Variants in SGMS1 observed in about 807,000 individuals in gnomAD.
The protein encoded by SGMS1 is phosphatidylcholine:ceramide cholinephosphotransferase 1.
A neutral mutation model predicts 46.2 loss-of-function variants in SGMS1; 13 were observed. The ratio of observed to expected loss-of-function variants is 0.28; its 90% confidence interval spans 0.18 to 0.45. SGMS1 has a LOEUF of 0.45. Ranked by LOEUF, SGMS1 falls within the 20% of genes least tolerant of loss-of-function variation. The probability of loss-of-function intolerance (pLI) is 1.00; values close to 1 mark genes in which losing one functional copy is unlikely to be tolerated. For synonymous variants in SGMS1, 203 were observed against 187.8 expected, an observed-to-expected ratio of 1.08 and a Z score of -0.66; for missense variants, 324 against 519.9, an observed-to-expected ratio of 0.62 and a Z score of 3.66.
Position 50,307,982 on chromosome 10 carries a change from T to C in SGMS1, c.1062A>G (p.Gln354=), listed in dbSNP as rs1847200423. The part of the protein sequence containing the change: ...FWWYHTMANQ[Q]VLKEASQMNL... ...TAAAATCAAAAGCGGGGAAACTCAC[T>C]TGCTGATTGGCCATAGTGTGATACC... Residue 354 remains glutamine (Q), a splice_region_variant and synonymous_variant, in exon 10 of 11, where the codon CAA becomes CAG. Transcript: ENST00000361781. The surrounding 1 kb of genome is among the most constrained non-coding windows in gnomAD (Gnocchi z 4.2). 1.9e-6 allele frequency: 3 copies of C among 1,613,342 alleles called. No homozygotes were observed. The highest frequency in any genetic ancestry group is 2.5e-6 in the Non-Finnish European group (3 of 1,179,830).
chr10:50,507,193 A>C (rs1588857654), intron 3 of SGMS1, among the ~76,000 whole-genome samples: 1 of 152,160 alleles, frequency 6.6e-6, no homozygotes, highest in South Asian at 2.1e-4. Context: ...AGGGTCCCTA[A>C]AACCCTGAGA....
intron 6 of SGMS1, among the ~76,000 whole-genome samples, chr10:50,397,221 TAGAC>T (rs1023188850): frequency 5.9e-5 from 9 of 152,142 alleles, no homozygotes; most frequent in African/African-American, 2.2e-4. Context: ...GCAGCACTCT[TAGAC>T]AGAGGACTCA....
intron 8 of SGMS1, among the ~76,000 whole-genome samples, chr10:50,325,077 T>C (rs1196090671): frequency 6.6e-6 from 1 of 152,226 alleles, no homozygotes; most frequent in African/African-American, 2.4e-5. Flanking sequence ...TATGGTTTTG[T>C]ACTAAAATGT....
chr10:50,571,356 G>A (rs2131858263), intron 2 of SGMS1, among the ~76,000 whole-genome samples: 1 of 152,270 alleles, frequency 6.6e-6, no homozygotes, highest in African/African-American at 2.4e-5. Flanking sequence ...GACTTTAAAG[G>A]AATGCAATGG....
At chr10:50,434,764 G>C (rs1203995089) in intron 5 of SGMS1, among the ~76,000 whole-genome samples, 2 of 150,828 alleles carry the variant, frequency 1.3e-5, no homozygotes, top group Non-Finnish European at 3.0e-5. Flanking sequence ...GGGTGCCTGT[G>C]GTCCCAGCTA....
chr10:50,533,625 C>A (rs1025564544), intron 2 of SGMS1, among the ~76,000 whole-genome samples: 1 of 151,896 alleles, frequency 6.6e-6, no homozygotes. Flanking sequence ...CTCTTCAGAA[C>A]CTTTTAAAGG....
intron 5 of SGMS1, among the ~76,000 whole-genome samples, chr10:50,444,719 C>G (rs11005720): frequency 0.18 from 18,735 of 104,076 alleles, 2,485 homozygotes; most frequent in East Asian, 0.48. Flanking sequence ...AAGAAGACCC[C>G]ATTTATTAAA....
At chr10:50,329,787 A>G (rs1177775473) in intron 7 of SGMS1, among the ~76,000 whole-genome samples, 1 of 152,154 alleles carries the variant, frequency 6.6e-6, no homozygotes, top group Non-Finnish European at 1.5e-5. Context: ...CATGGGATAC[A>G]CCTCTCCTTC....
intron 2 of SGMS1, among the ~76,000 whole-genome samples, chr10:50,529,597 T>C (rs1837934679): frequency 2.0e-5 from 3 of 152,328 alleles, no homozygotes; most frequent in African/African-American, 4.8e-5. Context: ...TCTTACACTT[T>C]GGGGGTGAAA....
chr10:50,563,071 C>T (rs1838255515), intron 2 of SGMS1, among the ~76,000 whole-genome samples: 1 of 152,186 alleles, frequency 6.6e-6, no homozygotes, highest in South Asian at 2.1e-4. Flanking sequence ...AAACATGAGC[C>T]TAGAGAGCAT....
intron 1 of SGMS1, chr10:50,623,485 C>T (rs1838876992): frequency 3.0e-5 from 24 of 798,178 alleles, no homozygotes; most frequent in Non-Finnish European, 3.3e-5. Flanking sequence ...GAGCCCGGAT[C>T]CCGGCCGCCG....
At chr10:50,624,544 C>T (rs752458205), upstream of SGMS1, 43 of 974,740 alleles carry the variant, frequency 4.4e-5, no homozygotes, top group African/African-American at 6.8e-4. Flanking sequence ...GGCGCAAGAG[C>T]TCTAACCGCG....
intron 2 of SGMS1, among the ~76,000 whole-genome samples, chr10:50,560,623 TATA>T: frequency 6.8e-6 from 1 of 147,118 alleles, no homozygotes; most frequent in Non-Finnish European, 1.5e-5. Flanking sequence ...ATATATGTAA[TATA>T]GTATATATTA....
chr10:50,411,263 A>T (rs1849094830), intron 6 of SGMS1, among the ~76,000 whole-genome samples: 1 of 152,248 alleles, frequency 6.6e-6, no homozygotes, highest in African/African-American at 2.4e-5. Context: ...AAAAAATACA[A>T]GCTAATAGAC....
At chr10:50,333,486 G>A (rs1451200997) in intron 7 of SGMS1, among the ~76,000 whole-genome samples, 1 of 152,092 alleles carries the variant, frequency 6.6e-6, no homozygotes, top group East Asian at 1.9e-4. Context: ...TATCCAACCA[G>A]GACTGCAAAC....
At chr10:50,611,878 C>T (rs1838753246) in intron 1 of SGMS1, among the ~76,000 whole-genome samples, 1 of 152,160 alleles carries the variant, frequency 6.6e-6, no homozygotes, top group African/African-American at 2.4e-5. Context: ...TGGCACCCCC[C>T]ATCCCCTTTT....
In SGMS1 at chr10:50,588,721, ATTTTTTTTTTTT is replaced by A. The variant is rs71029314; in HGVS notation, c.-589+1420_-589+1431del. On this transcript the variant is annotated intron_variant, in intron 2 of 10. Transcript: ENST00000361781. ...ACATCAGAGCACAGAGACTGATCTA[ATTTTTTTTTTTT>A]TTTTTTTTTTTTTTGAGACAGGGTC... 3.2e-3 allele frequency among the ~76,000 whole-genome samples: 291 copies of A among 92,238 alleles called. 2 individuals are homozygous for A. The highest frequency in any genetic ancestry group is 0.012 in the African/African-American group (285 of 23,184). 60.5% of individuals were successfully genotyped at this position (92,238 alleles called of 152,430 possible). A position where few individuals can be genotyped will look rare whatever the true frequency, so the allele number is the denominator to read the frequency against.
At chr10:50,590,591 T>G (rs1383808554) in intron 1 of SGMS1, 1 of 152,180 alleles carries the variant, frequency 6.6e-6, no homozygotes, top group Non-Finnish European at 1.5e-5. Flanking sequence ...GTATACATTG[T>G]GAAATGATTG....
At chr10:50,624,995 G>A, upstream of SGMS1, 1 of 1,023,486 alleles carries the variant, frequency 9.8e-7, no homozygotes. Context: ...GAACCGACCT[G>A]GGAGCTGGCG....
Sources: gnomAD v4.1 joint callset for allele counts (sites outside exome capture counted in the v4.1 genomes callset) on GRCh38, gnomAD v4.1.1 for gene constraint, Gnocchi (gnomAD v3.1) non-coding constraint, MANE v1.5 for transcripts, NCBI Gene and HGNC (gene_info 2026-07-23, HGNC 2026-07-21) for gene names.